Variants in LGR5 observed in about 807,000 individuals in gnomAD.
LGR5 encodes leucine-rich repeat-containing G protein-coupled receptor 5.
A neutral mutation model predicts 76.7 loss-of-function variants in LGR5; 54 were observed. The observed-to-expected ratio is 0.70, with a 90% CI of 0.57 to 0.88. The LOEUF (loss-of-function observed/expected upper bound fraction) is 0.88. LGR5 is among the 40% of genes least tolerant of loss of function. The pLI is 0.00. For synonymous variants in LGR5, 406 were observed against 421.9 expected, an observed-to-expected ratio of 0.96 and a Z score of 0.46; for missense variants, 1,078 against 1,073.3, an observed-to-expected ratio of 1.00 and a Z score of -0.06.
chr12:71,544,139 T>G lies in LGR5; in HGVS notation c.429-8934T>G, dbSNP rs563726376. ...GACGCCAGAGAGACAGAGGTTTGGT[T>G]CCTTTAGACATTTCATCTGGCTGCT... On this transcript the variant is annotated intron_variant, in intron 4 of 17. Transcript: ENST00000266674. Among the ~76,000 whole-genome samples, 8 of 152,252 alleles carry G rather than the reference T, an allele frequency of 5.3e-5. No homozygotes were observed. The South Asian group carries it at 1.7e-3, about 32-fold the overall frequency.
chr12:71,567,184 A>G (rs757547176), intron 11 of LGR5: 98 of 427,266 alleles, frequency 2.3e-4, no homozygotes, highest in Non-Finnish European at 3.9e-4. Context: ...AGATATGAAG[A>G]GGCCAAAATC....
chr12:71,549,304 G>C (rs941844735), intron 4 of LGR5, among the ~76,000 whole-genome samples: 11 of 152,140 alleles, frequency 7.2e-5, no homozygotes, highest in African/African-American at 2.7e-4. Flanking sequence ...GGGAGTGGTT[G>C]AGTGGGGAGA....
chr12:71,449,256 C>A (rs957701479), intron 1 of LGR5, among the ~76,000 whole-genome samples: 1 of 152,170 alleles, frequency 6.6e-6, no homozygotes, highest in African/African-American at 2.4e-5. Flanking sequence ...TAAGTATCAA[C>A]TCCAGTCACC....
chr12:71,442,631 C>G (rs1871816355), intron 1 of LGR5, among the ~76,000 whole-genome samples: 1 of 152,090 alleles, frequency 6.6e-6, no homozygotes, highest in Non-Finnish European at 1.5e-5. Flanking sequence ...TGTGTGATTT[C>G]ATAATTTGGT....
chr12:71,579,002 C>A, intron 15 of LGR5, 73 bp downstream of exon 15: 1 of 1,364,528 alleles, frequency 7.3e-7, no homozygotes, highest in Non-Finnish European at 9.9e-7. Flanking sequence ...TAGTGGTGTT[C>A]TAAATTTATG....
At chr12:71,441,388 C>T (rs1871761359) in intron 1 of LGR5, 1 of 152,218 alleles carries the variant, frequency 6.6e-6, no homozygotes, top group Non-Finnish European at 1.5e-5. Flanking sequence ...CAAGGTGAAA[C>T]ATTTAGGTTT....
intron 1 of LGR5, among the ~76,000 whole-genome samples, chr12:71,459,570 A>T (rs967572836): frequency 6.6e-6 from 1 of 152,096 alleles, no homozygotes; most frequent in Admixed American, 6.6e-5. Context: ...TATTCAACTG[A>T]TATTTGTTCC....
intron 1 of LGR5, among the ~76,000 whole-genome samples, chr12:71,481,178 AT>A (rs1256874195): frequency 6.6e-6 from 1 of 152,150 alleles, no homozygotes; most frequent in African/African-American, 2.4e-5. Flanking sequence ...TGCTGCACCT[AT>A]CAAACCATCA....
At position 71,462,034 on chromosome 12, in the gene LGR5, T is replaced by A. The variant is rs534196797; in HGVS notation, c.212+21742T>A. On this transcript the variant is annotated intron_variant, in intron 1 of 17. Coordinates refer to ENST00000266674, the MANE Select transcript of LGR5 (RefSeq NM_003667.4). ...GACCCTGTTATCTGTGCTTGACACATGCCTGCTCAGCCTCCTAATGGGTCT... is the reference window on the plus strand; with the variant it reads ...GACCCTGTTATCTGTGCTTGACACAAGCCTGCTCAGCCTCCTAATGGGTCT... Among the ~76,000 whole-genome samples, 17 of 152,314 alleles carry A rather than the reference T, an allele frequency of 1.1e-4. No individual in the cohort carries two copies. The South Asian group carries it at 3.5e-3, about 32-fold the overall frequency.
At chr12:71,475,758 GA>G (rs1873307411) in intron 1 of LGR5, among the ~76,000 whole-genome samples, 1 of 152,120 alleles carries the variant, frequency 6.6e-6, no homozygotes, top group African/African-American at 2.4e-5. Context: ...TAAGTAAAAA[GA>G]AAATTCTCAG....
In LGR5 at chr12:71,584,846, C is replaced by A. The variant is rs536590509; in HGVS notation, c.*112C>A. ...CTGAGGTGAAACTCGGTTTAAAAACCAAAAAAGAATCTCTCAGTTAGTAAG... is the reference window on the plus strand; with the variant it reads ...CTGAGGTGAAACTCGGTTTAAAAACAAAAAAAGAATCTCTCAGTTAGTAAG... On this transcript the variant is annotated 3_prime_UTR_variant, in exon 18 of 18. Transcript: ENST00000266674. 6.1e-4 allele frequency: 687 copies of A among 1,120,188 alleles called. 1 individual carries two copies. Among genetic ancestry groups the A allele is most frequent in the Admixed American group, 8.7e-4 (37 of 42,578 alleles). The allele number at this position is 1,120,188 out of a possible 1,614,324, so 69.4% of individuals were successfully genotyped here. A position where few individuals can be genotyped will look rare whatever the true frequency, so the allele number is the denominator to read the frequency against.
intron 5 of LGR5, among the ~76,000 whole-genome samples, chr12:71,553,755 C>T (rs1342640753): frequency 6.6e-6 from 1 of 152,038 alleles, no homozygotes; most frequent in East Asian, 1.9e-4. Context: ...TGCCCACTGC[C>T]CAAATAGAGC....
At chr12:71,531,701 C>G (rs1242950069) in intron 3 of LGR5, among the ~76,000 whole-genome samples, 2 of 152,086 alleles carry the variant, frequency 1.3e-5, no homozygotes, top group African/African-American at 4.8e-5. Context: ...AACCCCGTTG[C>G]TGCTAAAAAT....
intron 3 of LGR5, among the ~76,000 whole-genome samples, chr12:71,526,215 G>T (rs1875997185): frequency 6.6e-6 from 1 of 152,008 alleles, no homozygotes; most frequent in Admixed American, 6.6e-5. Context: ...TTTATTAATG[G>T]AATATCTATT....
chr12:71,450,532 A>T (rs1257057528), intron 1 of LGR5, among the ~76,000 whole-genome samples: 2 of 152,100 alleles, frequency 1.3e-5, no homozygotes, highest in African/African-American at 4.8e-5. Context: ...CTGGTCTCGA[A>T]CTCCTGGCCT....
chr12:71,577,128 CTTTG>C (rs1878890773), intron 13 of LGR5, among the ~76,000 whole-genome samples: 1 of 152,206 alleles, frequency 6.6e-6, no homozygotes, highest in Non-Finnish European at 1.5e-5. Context: ...GAAAAGTTGA[CTTTG>C]TTTACTTTCA....
intron 8 of LGR5, 58 bp from the exon 9 acceptor site, chr12:71,566,346 G>C: frequency 9.2e-7 from 1 of 1,087,380 alleles, no homozygotes; most frequent in South Asian, 1.3e-5. Flanking sequence ...ATTTTGAACA[G>C]ATATTCATCT....
At chr12:71,520,773 G>A (rs931899344) in intron 2 of LGR5, among the ~76,000 whole-genome samples, 1 of 152,096 alleles carries the variant, frequency 6.6e-6, no homozygotes, top group Non-Finnish European at 1.5e-5. Flanking sequence ...TGTAAATAAC[G>A]AGTTGATGAG....
At chr12:71,509,094 G>C (rs1434631037) in intron 2 of LGR5, among the ~76,000 whole-genome samples, 1 of 152,132 alleles carries the variant, frequency 6.6e-6, no homozygotes, top group Non-Finnish European at 1.5e-5. Context: ...AATTAGGGAA[G>C]CTGTGCTGTA....
Sources: gnomAD v4.1 joint callset for allele counts (sites outside exome capture counted in the v4.1 genomes callset) on GRCh38, gnomAD v4.1.1 for gene constraint, MANE v1.5 for transcripts, NCBI Gene and HGNC (gene_info 2026-07-23, HGNC 2026-07-21) for gene names.